Variants in GFRA1 observed in about 807,000 individuals in gnomAD.
The protein encoded by GFRA1 is GDNF family receptor alpha 1.
A neutral mutation model predicts 51.6 loss-of-function variants in GFRA1; 16 were observed. The observed-to-expected ratio is 0.31, with a 90% CI of 0.21 to 0.47. The LOEUF is 0.47. GFRA1 is among the 20% of genes least tolerant of loss of function. The probability of loss-of-function intolerance (pLI) is 1.00; values close to 1 mark genes in which losing one functional copy is unlikely to be tolerated. For missense variants in GFRA1, 530 were observed against 594.3 expected, an observed-to-expected ratio of 0.89 and a Z score of 1.13; for synonymous variants, 270 against 241.3, an observed-to-expected ratio of 1.12 and a Z score of -1.10.
chr10:116,079,943 A>G (rs762930085), intron 9 of GFRA1, among the ~76,000 whole-genome samples: 1 of 152,118 alleles, frequency 6.6e-6, no homozygotes, highest in Non-Finnish European at 1.5e-5. Context: ...TGTCTTATCC[A>G]TAACAAGTTC....
intron 5 of GFRA1, among the ~76,000 whole-genome samples, chr10:116,178,908 C>T (rs548021014): frequency 2.6e-5 from 4 of 152,280 alleles, no homozygotes; most frequent in East Asian, 1.9e-4. Context: ...TGGTGTGCAT[C>T]GAAGCACTCT....
At chr10:116,258,156 C>G (rs1288055483) in intron 4 of GFRA1, among the ~76,000 whole-genome samples, 1 of 152,048 alleles carries the variant, frequency 6.6e-6, no homozygotes, top group Non-Finnish European at 1.5e-5. Flanking sequence ...AAAGGGAATT[C>G]TTAGAGGACA....
intron 5 of GFRA1, among the ~76,000 whole-genome samples, chr10:116,205,926 T>TCACACACACACTCACACA (rs1964713610): frequency 7.0e-6 from 1 of 142,484 alleles, no homozygotes; most frequent in Non-Finnish European, 1.5e-5. Context: ...TTTCCTCATA[T>TCACACACACACTCACACA]CACACACACA....
chr10:116,210,195 A>G lies in GFRA1; in HGVS notation c.433+1436T>C, dbSNP rs537329361. Among the ~76,000 whole-genome samples the G allele has an allele frequency of 7.9e-5, 12 of 152,266 alleles. No homozygotes were observed. In the East Asian group the frequency reaches 2.3e-3, roughly 29 times the overall value. ...TTTTTTTCTGCCAATTACAACCACC[A>G]TGAACGCTCACCATTGTGTGTAGAA... is the stretch of plus-strand genomic sequence containing the variant. On this transcript the variant is annotated intron_variant, in intron 5 of 10. Transcript: ENST00000355422.
chr10:116,238,935 GT>G (rs1967125690), intron 4 of GFRA1, among the ~76,000 whole-genome samples: 1 of 152,140 alleles, frequency 6.6e-6, no homozygotes, highest in Admixed American at 6.5e-5. Context: ...AAGCTTGTAT[GT>G]TTATTTTTCA....
At chr10:116,269,041 A>T (rs1166820456) in intron 4 of GFRA1, among the ~76,000 whole-genome samples, 9 of 152,246 alleles carry the variant, frequency 5.9e-5, no homozygotes, top group Non-Finnish European at 1.3e-4. Flanking sequence ...TCAAAGGCAG[A>T]CAAGTGAATT....
intron 5 of GFRA1, among the ~76,000 whole-genome samples, chr10:116,182,660 A>AGATTTCTAGAAGC: frequency 6.6e-6 from 1 of 152,234 alleles, no homozygotes; most frequent in East Asian, 1.9e-4. Context: ...CATCTGCTTC[A>AGATTTCTAGAAGC]TGTCAGATTT....
chr10:116,200,562 C>T (rs1964250876), intron 5 of GFRA1, among the ~76,000 whole-genome samples: 1 of 152,206 alleles, frequency 6.6e-6, no homozygotes, highest in Admixed American at 6.5e-5. Flanking sequence ...TATTTAGCGA[C>T]AAATACTTAT....
chr10:116,173,944 G>C (rs778689424), intron 5 of GFRA1, among the ~76,000 whole-genome samples: 1 of 152,140 alleles, frequency 6.6e-6, no homozygotes, highest in Non-Finnish European at 1.5e-5. Context: ...GCCGGGCATG[G>C]TGGTGCATGC....
intron 5 of GFRA1, among the ~76,000 whole-genome samples, chr10:116,147,400 G>A (rs1958851663): frequency 6.6e-6 from 1 of 152,130 alleles, no homozygotes; most frequent in South Asian, 2.1e-4. Context: ...GTTGGAGCTG[G>A]TGGTTCACAC....
At chr10:116,104,205 G>T (rs1157788440) in intron 6 of GFRA1, among the ~76,000 whole-genome samples, 1 of 152,220 alleles carries the variant, frequency 6.6e-6, no homozygotes, top group Non-Finnish European at 1.5e-5. Flanking sequence ...CCACATGTTG[G>T]TGAGAAACAA....
intron 5 of GFRA1, among the ~76,000 whole-genome samples, chr10:116,188,762 G>A (rs759458217): frequency 2.0e-5 from 3 of 151,902 alleles, no homozygotes; most frequent in African/African-American, 7.3e-5. Flanking sequence ...TTAGCCGGGC[G>A]TGGTGGTGCA....
intron 5 of GFRA1, among the ~76,000 whole-genome samples, chr10:116,210,380 A>T (rs574904225): frequency 2.8e-4 from 43 of 152,262 alleles, no homozygotes; most frequent in African/African-American, 1.0e-3. Flanking sequence ...AAAAAAAATG[A>T]TCTGCCTAGA....
intron 5 of GFRA1, among the ~76,000 whole-genome samples, chr10:116,190,001 C>A (rs942575324): frequency 1.3e-5 from 2 of 151,926 alleles, no homozygotes; most frequent in East Asian, 3.9e-4. Context: ...GAGCCCCAGG[C>A]GAGGCAGAGA....
At chr10:116,168,658 G>A (rs904103059) in intron 5 of GFRA1, among the ~76,000 whole-genome samples, 4 of 152,176 alleles carry the variant, frequency 2.6e-5, no homozygotes, top group African/African-American at 7.2e-5. Context: ...ACCTCGGGGG[G>A]TTAACAAGAA....
intron 4 of GFRA1, chr10:116,255,749 G>A: frequency 7.8e-7 from 1 of 1,288,184 alleles, no homozygotes; most frequent in Non-Finnish European, 1.0e-6. Flanking sequence ...ACATGGCATT[G>A]CACTCTGCAC....
intron 7 of GFRA1, among the ~76,000 whole-genome samples, chr10:116,095,674 T>C (rs1258621775): frequency 6.6e-6 from 1 of 152,148 alleles, no homozygotes; most frequent in East Asian, 1.9e-4. Context: ...AGTACCATTA[T>C]TGATTTTCCC....
At chr10:116,120,056 A>G (rs1479913485) in intron 6 of GFRA1, among the ~76,000 whole-genome samples, 1 of 152,206 alleles carries the variant, frequency 6.6e-6, no homozygotes, top group Non-Finnish European at 1.5e-5. Flanking sequence ...AGGGTCCTTG[A>G]TCCCTGGGGA....
At chr10:116,110,878 GT>G (rs751845957) in intron 6 of GFRA1, among the ~76,000 whole-genome samples, 5 of 152,206 alleles carry the variant, frequency 3.3e-5, no homozygotes, top group African/African-American at 4.8e-5. Context: ...TGACCCATCT[GT>G]GGACTGAGGG....
Sources: allele counts gnomAD v4.1 joint callset (sites outside exome capture counted in the v4.1 genomes callset), GRCh38; gene constraint gnomAD v4.1.1; transcripts MANE v1.5; gene names NCBI Gene and HGNC (gene_info 2026-07-23, HGNC 2026-07-21).